SLC2A13: variants seen among roughly 807,000 people sequenced by gnomAD.
SLC2A13 encodes proton myo-inositol cotransporter.
Under a neutral mutation model 64.4 loss-of-function variants are expected in SLC2A13, and 32 were observed. That is an observed-to-expected ratio of 0.50 (90% confidence interval 0.37 to 0.67). The LOEUF is 0.67. Ranked by LOEUF, SLC2A13 falls within the 30% of genes least tolerant of loss-of-function variation. The pLI, the probability that SLC2A13 is intolerant of heterozygous loss-of-function variation, is 0.00. For synonymous variants in SLC2A13, 338 were observed against 327.1 expected, an observed-to-expected ratio of 1.03 and a Z score of -0.36; for missense variants, 743 against 829.2, an observed-to-expected ratio of 0.90 and a Z score of 1.28.
intron 6 of SLC2A13, among the ~76,000 whole-genome samples, chr12:39,845,400 T>G (rs920265323): frequency 6.6e-6 from 1 of 152,120 alleles, no homozygotes; most frequent in Non-Finnish European, 1.5e-5. Flanking sequence ...ACTATAACAC[T>G]TGGCATTAGG....
intron 3 of SLC2A13, among the ~76,000 whole-genome samples, chr12:40,014,902 T>A (rs1052022062): frequency 2.6e-5 from 4 of 152,248 alleles, no homozygotes; most frequent in African/African-American, 9.6e-5. Flanking sequence ...ACAAATGTTT[T>A]ATGCAAATGA....
intron 2 of SLC2A13, among the ~76,000 whole-genome samples, chr12:40,047,498 A>G (rs1180226245): frequency 6.6e-6 from 1 of 152,212 alleles, no homozygotes; most frequent in Non-Finnish European, 1.5e-5. Flanking sequence ...TGTTTTAATA[A>G]TAGTTTGTAT....
At chr12:39,975,959 T>A (rs1946750529) in intron 3 of SLC2A13, among the ~76,000 whole-genome samples, 1 of 152,202 alleles carries the variant, frequency 6.6e-6, no homozygotes, top group African/African-American at 2.4e-5. Context: ...GAGTGCTCCA[T>A]TCTAAGCTAA....
intron 1 of SLC2A13, among the ~76,000 whole-genome samples, chr12:40,101,204 C>T (rs1939138111): frequency 6.6e-6 from 1 of 151,798 alleles, no homozygotes; most frequent in Admixed American, 6.6e-5. Context: ...AAAAGAAAAC[C>T]CAAAATAATG....
intron 4 of SLC2A13, among the ~76,000 whole-genome samples, chr12:39,898,880 T>TA (rs1565530618): frequency 1.3e-5 from 2 of 152,118 alleles, no homozygotes; most frequent in African/African-American, 4.8e-5. Context: ...CCCTTGTATA[T>TA]AAAATGGAAA....
At chr12:40,006,266 A>C (rs1292517598) in intron 3 of SLC2A13, among the ~76,000 whole-genome samples, 2 of 152,244 alleles carry the variant, frequency 1.3e-5, no homozygotes, top group Non-Finnish European at 2.9e-5. Flanking sequence ...AAGCTGTAAC[A>C]GAGTGGCAAG....
Position 39,871,974 on chromosome 12 carries a change from G to C in SLC2A13, c.1035-13C>G. 1.3e-6 allele frequency: 2 copies of C among 1,549,944 alleles called. No homozygotes were observed. Among genetic ancestry groups the C allele is most frequent in the Non-Finnish European group, 1.7e-6 (2 of 1,148,108 alleles). ...TGCACTGTAGTACCTGCAAAGCAAT[G>C]AATAAAACAATTGCTATTGATAGTT... On this transcript the variant is annotated splice_polypyrimidine_tract_variant and intron_variant, in intron 4 of 9. Transcript: ENST00000280871.
chr12:40,011,704 C>G (rs1465176440), intron 3 of SLC2A13, among the ~76,000 whole-genome samples: 1 of 152,146 alleles, frequency 6.6e-6, no homozygotes, highest in Non-Finnish European at 1.5e-5. Context: ...ATCTTTATGT[C>G]CATGTATACC....
intron 7 of SLC2A13, among the ~76,000 whole-genome samples, chr12:39,768,591 C>T (rs1309226452): frequency 6.6e-6 from 1 of 151,948 alleles, no homozygotes; most frequent in African/African-American, 2.4e-5. Flanking sequence ...TAGAGAGGCT[C>T]CAGGAGAGGG....
At chr12:39,823,843 T>C (rs1416722102) in intron 7 of SLC2A13, among the ~76,000 whole-genome samples, 1 of 152,208 alleles carries the variant, frequency 6.6e-6, no homozygotes, top group African/African-American at 2.4e-5. Context: ...AAGTATTATT[T>C]TTAAATTGTT....
intron 4 of SLC2A13, among the ~76,000 whole-genome samples, chr12:39,919,202 T>C (rs1188513065): frequency 1.3e-5 from 2 of 152,098 alleles, no homozygotes; most frequent in Non-Finnish European, 2.9e-5. Context: ...ATGCTGGGAT[T>C]CCTGGTGTGA....
At chr12:40,078,900 G>A (rs919127852) in intron 1 of SLC2A13, among the ~76,000 whole-genome samples, 1 of 151,990 alleles carries the variant, frequency 6.6e-6, no homozygotes, top group African/African-American at 2.4e-5. Flanking sequence ...TTTTCTCTAG[G>A]TTTTCTAGTT....
chr12:40,008,077 A>T (rs972172307), intron 3 of SLC2A13, among the ~76,000 whole-genome samples: 1 of 152,236 alleles, frequency 6.6e-6, no homozygotes, highest in African/African-American at 2.4e-5. Context: ...ACTAATCAGC[A>T]TCTCAAAACA....
chr12:39,986,439 A>C (rs995223397), intron 3 of SLC2A13, among the ~76,000 whole-genome samples: 19 of 152,142 alleles, frequency 1.2e-4, no homozygotes, highest in Non-Finnish European at 1.5e-5. Flanking sequence ...ATGGTTTCTC[A>C]AACTATGGAG....
intron 3 of SLC2A13, among the ~76,000 whole-genome samples, chr12:39,985,306 G>T (rs1481131825): frequency 2.0e-5 from 3 of 152,004 alleles, no homozygotes; most frequent in Non-Finnish European, 2.9e-5. Flanking sequence ...GCCTATATCT[G>T]CCTGTTTCTC....
At chr12:39,799,081 C>CTT (rs1193979816) in intron 7 of SLC2A13, among the ~76,000 whole-genome samples, 18 of 133,482 alleles carry the variant, frequency 1.3e-4, no homozygotes, top group Non-Finnish European at 1.8e-4. Context: ...TTTTTTTTTC[C>CTT]TTTTTTTTTT....
intron 3 of SLC2A13, among the ~76,000 whole-genome samples, chr12:40,013,104 A>G (rs1356228383): frequency 6.6e-6 from 1 of 152,186 alleles, no homozygotes; most frequent in Non-Finnish European, 1.5e-5. Context: ...CAAAAGATAC[A>G]TGCAGAGGAT....
intron 7 of SLC2A13, among the ~76,000 whole-genome samples, chr12:39,796,214 G>A (rs960854638): frequency 3.3e-5 from 5 of 151,990 alleles, no homozygotes; most frequent in African/African-American, 7.2e-5. Context: ...TCACTCCCAC[G>A]ATGTAGGGGG....
At chr12:39,802,485 A>G (rs1487185390) in intron 7 of SLC2A13, 1 of 152,188 alleles carries the variant, frequency 6.6e-6, no homozygotes, top group Non-Finnish European at 1.5e-5. Flanking sequence ...GGGCCACTTC[A>G]TACAAGGTCT....
Sources: allele counts gnomAD v4.1 joint callset (sites outside exome capture counted in the v4.1 genomes callset), GRCh38; gene constraint gnomAD v4.1.1; transcripts MANE v1.5; gene names NCBI Gene and HGNC (gene_info 2026-07-23, HGNC 2026-07-21).